MICAL3: variants seen among roughly 807,000 people sequenced by gnomAD.
The protein encoded by MICAL3 is microtubule associated monooxygenase, calponin and LIM domain containing 3.
Under a neutral mutation model 207.4 loss-of-function variants are expected in MICAL3, and 62 were observed. That is an observed-to-expected ratio of 0.30 (90% CI 0.24 to 0.37). The LOEUF (loss-of-function observed/expected upper bound fraction) is 0.37, where lower values mean the gene tolerates loss of function less well. Ranked by LOEUF, MICAL3 falls within the 10% of genes least tolerant of loss-of-function variation. The pLI is 1.00. For missense variants in MICAL3, 2,368 were observed against 2,635.6 expected, an observed-to-expected ratio of 0.90 and a Z score of 2.22; for synonymous variants, 1,077 against 1,069.3, an observed-to-expected ratio of 1.01 and a Z score of -0.14.
chr22:17,970,311 C>A (rs565534172), intron 1 of MICAL3, among the ~76,000 whole-genome samples: 32 of 152,356 alleles, frequency 2.1e-4, no homozygotes, highest in African/African-American at 7.5e-4. Context: ...AGCGGCTGAC[C>A]AGCTGCTGGC....
intron 19 of MICAL3, chr22:17,864,430 C>A: frequency 7.1e-7 from 1 of 1,402,072 alleles, no homozygotes; most frequent in Non-Finnish European, 9.3e-7. Flanking sequence ...AACAAGACCA[C>A]GGGGCTTAAT....
At chr22:17,940,764 C>G (rs868386465) in intron 1 of MICAL3, among the ~76,000 whole-genome samples, 5 of 152,126 alleles carry the variant, frequency 3.3e-5, no homozygotes, top group African/African-American at 1.2e-4. Flanking sequence ...AGTTAAAGAA[C>G]CTTTTCCAGA....
rs1183896198 is a variant in MICAL3, at chr22:17,803,617, A to C, written c.5650+5227T>G. ...CCCCAGGCAGCAAAAGCAAGCTCAGATCTTCCTCTGGAGCACATGTGGGCA... is the reference window on the plus strand; with the variant it reads ...CCCCAGGCAGCAAAAGCAAGCTCAGCTCTTCCTCTGGAGCACATGTGGGCA... On this transcript the variant is annotated intron_variant, in intron 29 of 31. Coordinates refer to ENST00000441493, the MANE Select transcript of MICAL3 (RefSeq NM_015241.3). 2.5e-5 allele frequency: 4 copies of C among 157,102 alleles called. No individual in the cohort carries two copies. The Admixed American group carries it at 2.6e-4, about 10-fold the overall frequency. 9.7% of individuals were successfully genotyped at this position (157,102 alleles called of 1,614,324 possible).
rs544054338 is a variant in MICAL3, at chr22:17,960,271, C to T, written c.-74-53385G>A. 5.9e-5 allele frequency among the ~76,000 whole-genome samples: 9 copies of T among 152,326 alleles called. No individual in the cohort carries two copies. The South Asian group carries it at 1.7e-3, about 28-fold the overall frequency. ...AGGCAGTGAGCTCACTGGGGGTCAG[C>T]GATTCATGTCCTCTTCCCCTGTGTG... On this transcript the variant is annotated intron_variant, in intron 1 of 31. Coordinates refer to ENST00000441493, the MANE Select transcript of MICAL3 (RefSeq NM_015241.3).
chr22:17,873,407 C>G (rs1198745052), intron 16 of MICAL3, among the ~76,000 whole-genome samples: 1 of 152,280 alleles, frequency 6.6e-6, no homozygotes, highest in Admixed American at 6.5e-5. Flanking sequence ...CCCCACAATG[C>G]CTGCCACAGG....
chr22:17,803,602 C>A (rs1428394531), intron 29 of MICAL3: 2 of 154,634 alleles, frequency 1.3e-5, no homozygotes, highest in Non-Finnish European at 2.9e-5. Flanking sequence ...CCCCAGGCAG[C>A]AAAAGCAAGC....
intron 19 of MICAL3, chr22:17,860,710 C>G: frequency 1.0e-6 from 1 of 985,422 alleles, no homozygotes; most frequent in Non-Finnish European, 1.2e-6. Flanking sequence ...GCAGCAGCCC[C>G]CTGCGTTCCT....
At chr22:17,907,584 C>T (rs766950080) in intron 1 of MICAL3, among the ~76,000 whole-genome samples, 4 of 152,080 alleles carry the variant, frequency 2.6e-5, no homozygotes, top group Non-Finnish European at 5.9e-5. Context: ...CGCTGGCACA[C>T]GGGCAGTAGC....
At chr22:17,864,449 C>T in intron 19 of MICAL3, 1 of 1,420,386 alleles carries the variant, frequency 7.0e-7, no homozygotes, top group South Asian at 1.6e-5. Context: ...ATCAACACAG[C>T]TCCAGGCCGT....
intron 25 of MICAL3, among the ~76,000 whole-genome samples, chr22:17,819,934 C>A (rs961384296): frequency 1.7e-5 from 2 of 119,880 alleles, no homozygotes; most frequent in Non-Finnish European, 3.3e-5. Flanking sequence ...CAGTGAGAGA[C>A]TCCATCTCAA....
In MICAL3 at chr22:17,896,820, G is replaced by A. The variant is rs1407945855; in HGVS notation, c.1110C>T (p.Asp370=). 1.2e-6 allele frequency: 2 copies of A among 1,614,120 alleles called. No individual in the cohort carries two copies. Among genetic ancestry groups the A allele is most frequent in the Admixed American group, 1.7e-5 (1 of 60,028 alleles). The change falls in exon 8 of 32, where the codon GAC becomes GAT. Residue 370 remains aspartate, a synonymous_variant. Transcript: ENST00000441493. ...HYGQPDVAMF[D]FTCMYASENA... is the part of the protein sequence containing the mutation. ...TCTCGGAGGCATACATACAAGTGAAGTCAAACATGGCCACATCGGGCTGCC... is the reference window on the plus strand; with the variant it reads ...TCTCGGAGGCATACATACAAGTGAAATCAAACATGGCCACATCGGGCTGCC...
intron 16 of MICAL3, among the ~76,000 whole-genome samples, chr22:17,873,748 A>T (rs1174704123): frequency 1.3e-5 from 2 of 152,256 alleles, no homozygotes; most frequent in Non-Finnish European, 2.9e-5. Flanking sequence ...CTCCATCATG[A>T]GCCGCCCTGC....
At position 17,893,797 on chromosome 22, in the gene MICAL3, C is replaced by T. The variant is rs183312381; in HGVS notation, c.1546+11G>A. ...CTGCCTGCATTTTAAAAAGCCACCACCAGAACTCACCATTGCGAGTCAATT... is the reference window on the plus strand; with the variant it reads ...CTGCCTGCATTTTAAAAAGCCACCATCAGAACTCACCATTGCGAGTCAATT... On this transcript the variant is annotated intron_variant, in intron 11 of 31. Transcript: ENST00000441493. The T allele has an allele frequency of 1.8e-3, 2,869 of 1,552,900 alleles. 7 individuals are homozygous for T. Among genetic ancestry groups the T allele is most frequent in the Non-Finnish European group, 2.4e-3 (2,711 of 1,144,122 alleles).
intron 11 of MICAL3, 29 bp from the exon 12 acceptor site, chr22:17,891,661 A>C: frequency 6.2e-7 from 1 of 1,607,672 alleles, no homozygotes; most frequent in South Asian, 1.1e-5. Flanking sequence ...GTATTATTGG[A>C]GGTGTGGTCA....
intron 16 of MICAL3, among the ~76,000 whole-genome samples, chr22:17,878,423 C>A (rs1929095855): frequency 1.3e-5 from 2 of 152,152 alleles, no homozygotes; most frequent in African/African-American, 4.8e-5. Flanking sequence ...ACTCTCCGAC[C>A]CAGCACCAGG....
chr22:17,866,623 T>TAGAATAGAAC (rs1569103106), intron 17 of MICAL3, among the ~76,000 whole-genome samples: 1 of 133,362 alleles, frequency 7.5e-6, no homozygotes, highest in Non-Finnish European at 1.6e-5. Context: ...CAGAATAGAA[T>TAGAATAGAAC]AGAATAGAAT....
chr22:17,899,286 A>G lies in MICAL3; in HGVS notation c.948+162T>C, dbSNP rs190850028. On this transcript the variant is annotated intron_variant, in intron 7 of 31. Coordinates refer to ENST00000441493, the MANE Select transcript of MICAL3 (RefSeq NM_015241.3). ...TTTACATTTGAAATTAGCCATAGTTAAGAGTTGTTCACGCTAAACTGGAAA... is the reference window on the plus strand; with the variant it reads ...TTTACATTTGAAATTAGCCATAGTTGAGAGTTGTTCACGCTAAACTGGAAA... The G allele has an allele frequency of 4.3e-6, 3 of 699,252 alleles. No homozygotes were observed. The African/African-American group carries it at 5.3e-5, about 12-fold the overall frequency. 43.3% of individuals were successfully genotyped at this position (699,252 alleles called of 1,614,324 possible). A position where few individuals can be genotyped will look rare whatever the true frequency, so the allele number is the denominator to read the frequency against.
chr22:17,926,606 C>T (rs1375630175), intron 1 of MICAL3, among the ~76,000 whole-genome samples: 2 of 152,210 alleles, frequency 1.3e-5, no homozygotes. Context: ...AAACTTATGT[C>T]TCTCCCTGAA....
chr22:17,820,571 G>T lies in MICAL3; in HGVS notation c.3531+856C>A, dbSNP rs1378132198. 2.6e-5 allele frequency among the ~76,000 whole-genome samples: 4 copies of T among 152,146 alleles called. No homozygotes were observed. The East Asian group carries it at 7.7e-4, about 29-fold the overall frequency. On this transcript the variant is annotated intron_variant, in intron 25 of 31. Coordinates refer to ENST00000441493, the MANE Select transcript of MICAL3 (RefSeq NM_015241.3). ...GGCTATCACTGTGTTAACCAGGATG[G>T]TCTCGATCTCCTGACCTCGTGATCT...
Sources: allele counts gnomAD v4.1 joint callset (sites outside exome capture counted in the v4.1 genomes callset), GRCh38; gene constraint gnomAD v4.1.1; transcripts MANE v1.5; gene names NCBI Gene and HGNC (gene_info 2026-07-23, HGNC 2026-07-21).